GPC5: variants seen among roughly 807,000 people sequenced by gnomAD.
The protein encoded by GPC5 is glypican-5.
A neutral mutation model predicts 53.9 loss-of-function variants in GPC5; 47 were observed. That is an observed-to-expected ratio of 0.87 (90% CI 0.69 to 1.11). GPC5 has a LOEUF of 1.11. GPC5 is among the 50% of genes most tolerant of loss of function. GPC5 has a pLI of 0.00. For synonymous variants in GPC5, 286 were observed against 263.3 expected (o/e 1.09, Z -0.84); for missense variants, 748 against 713.1 (o/e 1.05, Z -0.56).
intron 7 of GPC5, among the ~76,000 whole-genome samples, chr13:92,583,805 G>A (rs1018536959): frequency 1.7e-4 from 26 of 152,282 alleles, no homozygotes; most frequent in African/African-American, 2.6e-4. Flanking sequence ...GAGGGACCTC[G>A]TGGCAGGTAA....
At chr13:92,233,330 C>T (rs948079800) in intron 7 of GPC5, among the ~76,000 whole-genome samples, 8 of 152,212 alleles carry the variant, frequency 5.3e-5, no homozygotes, top group African/African-American at 1.9e-4. Context: ...TTCAGCATTT[C>T]ACACTTTAAG....
chr13:91,906,550 T>G (rs539008653), intron 5 of GPC5, among the ~76,000 whole-genome samples: 1 of 152,218 alleles, frequency 6.6e-6, no homozygotes, highest in Non-Finnish European at 1.5e-5. Context: ...TGTAATAAAA[T>G]GTAATGAATA....
chr13:92,378,065 T>C (rs992857881), intron 7 of GPC5, among the ~76,000 whole-genome samples: 1 of 152,164 alleles, frequency 6.6e-6, no homozygotes, highest in Admixed American at 6.5e-5. Flanking sequence ...TTCTCAGGCA[T>C]ATTTCCTTAA....
chr13:92,354,990 T>TATTA, intron 7 of GPC5, among the ~76,000 whole-genome samples: 1 of 150,178 alleles, frequency 6.7e-6, no homozygotes, highest in Non-Finnish European at 1.5e-5. Flanking sequence ...CTTTAATATA[T>TATTA]AATTTAATAT....
At chr13:92,134,706 G>A (rs2041769991) in intron 6 of GPC5, among the ~76,000 whole-genome samples, 1 of 152,060 alleles carries the variant, frequency 6.6e-6, no homozygotes, top group African/African-American at 2.4e-5. Flanking sequence ...CTGTTCCATT[G>A]GCAATTACAA....
At chr13:92,155,286 G>C (rs1314214431) in intron 7 of GPC5, among the ~76,000 whole-genome samples, 1 of 151,918 alleles carries the variant, frequency 6.6e-6, no homozygotes, top group East Asian at 1.9e-4. Flanking sequence ...TTTTCTGGTA[G>C]AATGCATTAG....
chr13:92,053,341 A>G (rs2041046074), intron 6 of GPC5, among the ~76,000 whole-genome samples: 1 of 152,194 alleles, frequency 6.6e-6, no homozygotes, highest in Admixed American at 6.5e-5. Flanking sequence ...CTCTGTGACC[A>G]GTGTCTGTGC....
chr13:92,429,538 A>C (rs955585798), intron 7 of GPC5, among the ~76,000 whole-genome samples: 1 of 151,932 alleles, frequency 6.6e-6, no homozygotes, highest in African/African-American at 2.4e-5. Flanking sequence ...ATTTATTTAA[A>C]TATTTACTTG....
intron 1 of GPC5, among the ~76,000 whole-genome samples, chr13:91,425,431 A>G (rs1376918576): frequency 1.3e-5 from 2 of 152,146 alleles, no homozygotes; most frequent in African/African-American, 4.8e-5. Flanking sequence ...AAGTGATTGG[A>G]TCATGGGAGC....
chr13:91,708,686 T>C (rs908201355), intron 3 of GPC5, among the ~76,000 whole-genome samples: 1 of 152,158 alleles, frequency 6.6e-6, no homozygotes, highest in Admixed American at 6.5e-5. Flanking sequence ...TTCTGTGAAC[T>C]ATATAACAAT....
chr13:92,156,619 A>G (rs2041946968), intron 7 of GPC5, among the ~76,000 whole-genome samples: 1 of 152,156 alleles, frequency 6.6e-6, no homozygotes, highest in Admixed American at 6.5e-5. Context: ...AGTCTAATAA[A>G]TGGTATCCAT....
At position 91,745,895 on chromosome 13, in the gene GPC5, A is replaced by T. The variant is rs77363980; in HGVS notation, c.1155-10400A>T. Among the ~76,000 whole-genome samples, 1,401 of 152,276 alleles carry T rather than the reference A, an allele frequency of 9.2e-3. 13 individuals carry two copies. Among genetic ancestry groups the T allele is most frequent in the African/African-American group, 0.03 (1,242 of 41,568 alleles). The stretch of plus-strand genomic sequence containing the variant: ...CGAGACTTCCATTCTCCATCCGACT[A>T]TACAAGTTTAATTACTTTCAAGCAT... On this transcript the variant is annotated intron_variant, in intron 4 of 7. Transcript: ENST00000377067.
At chr13:91,821,662 C>T (rs2038497530) in intron 5 of GPC5, among the ~76,000 whole-genome samples, 1 of 152,022 alleles carries the variant, frequency 6.6e-6, no homozygotes, top group Non-Finnish European at 1.5e-5. Flanking sequence ...TGAATTTTAT[C>T]ATATGGATTT....
chr13:91,532,371 C>A (rs367567372), intron 2 of GPC5, among the ~76,000 whole-genome samples: 4 of 152,200 alleles, frequency 2.6e-5, no homozygotes, highest in Admixed American at 2.0e-4. Flanking sequence ...CTAATTGCAG[C>A]TTTCATCTCA....
At position 92,533,745 on chromosome 13, in the gene GPC5, C is replaced by T. The variant is rs570666655; in HGVS notation, c.1562-332537C>T. The stretch of plus-strand genomic sequence containing the variant: ...CCATTGCTTTGTGAGAGCAAAAGGA[C>T]TAGACAGAGGAAAGTAAGATTAATG... On this transcript the variant is annotated intron_variant, in intron 7 of 7. Transcript: ENST00000377067. Among the ~76,000 whole-genome samples, 3 of 152,212 alleles carry T rather than the reference C, an allele frequency of 2.0e-5. No individual in the cohort carries two copies. The East Asian group carries it at 5.8e-4, about 29-fold the overall frequency.
At chr13:91,614,778 G>T (rs769902838) in intron 2 of GPC5, among the ~76,000 whole-genome samples, 1 of 152,102 alleles carries the variant, frequency 6.6e-6, no homozygotes, top group Non-Finnish European at 1.5e-5. Flanking sequence ...AGCTTTCACC[G>T]ATGTTTATAA....
chr13:91,451,357 CAT>C (rs1469802307), intron 2 of GPC5, among the ~76,000 whole-genome samples: 2 of 152,084 alleles, frequency 1.3e-5, no homozygotes, highest in African/African-American at 2.4e-5. Context: ...CCCACGGAAA[CAT>C]ATTTTTTAGA....
chr13:92,115,503 C>T (rs1391657274), intron 6 of GPC5, among the ~76,000 whole-genome samples: 1 of 152,130 alleles, frequency 6.6e-6, no homozygotes, highest in Non-Finnish European at 1.5e-5. Context: ...GACTCCATCT[C>T]AAAACTGTTC....
chr13:91,752,967 T>C (rs2037211326), intron 4 of GPC5, among the ~76,000 whole-genome samples: 1 of 152,218 alleles, frequency 6.6e-6, no homozygotes, highest in South Asian at 2.1e-4. Flanking sequence ...CTGTTTGATT[T>C]CTCTATCTAG....
Sources: allele counts gnomAD v4.1 joint callset (sites outside exome capture counted in the v4.1 genomes callset), GRCh38; gene constraint gnomAD v4.1.1; transcripts MANE v1.5; gene names NCBI Gene and HGNC (gene_info 2026-07-23, HGNC 2026-07-21).